LAPTM4A: variants seen among roughly 807,000 people sequenced by gnomAD.
LAPTM4A encodes the protein lysosomal protein transmembrane 4 alpha, also known as lysosomal-associated transmembrane protein 4A.
LAPTM4A carries 19 observed loss-of-function variants against 29.9 expected under a neutral mutation model. That is an observed-to-expected ratio of 0.64 (90% CI 0.44 to 0.93). The LOEUF (loss-of-function observed/expected upper bound fraction) is 0.93. LAPTM4A is among the 40% of genes least tolerant of loss of function. The pLI, the probability that LAPTM4A is intolerant of heterozygous loss-of-function variation, is 0.00. For synonymous variants in LAPTM4A, 105 were observed against 102.1 expected (o/e 1.03, Z -0.17); for missense variants, 293 against 288.5 (o/e 1.02, Z -0.11).
Position 20,046,513 on chromosome 2 carries a change from G to A in LAPTM4A, c.111+4897C>T, listed in dbSNP as rs549259145. Among the ~76,000 whole-genome samples, 19 of 151,300 alleles carry A rather than the reference G, an allele frequency of 1.3e-4. 1 individual carries two copies. In the South Asian group the frequency reaches 3.5e-3, roughly 28 times the overall value. ...CACACACATTTTATTTTGAGACAGG[G>A]TCTCATTCTGTCACCCAGGATGGAG... On this transcript the variant is annotated intron_variant, in intron 1 of 6. Coordinates refer to ENST00000175091, the MANE Select transcript of LAPTM4A (RefSeq NM_014713.5).
chr2:20,044,961 C>T (rs1673880291), intron 1 of LAPTM4A, among the ~76,000 whole-genome samples: 1 of 152,124 alleles, frequency 6.6e-6, no homozygotes, highest in Non-Finnish European at 1.5e-5. Flanking sequence ...CCAGTCTGGT[C>T]TTGAACTCCT....
intron 1 of LAPTM4A, among the ~76,000 whole-genome samples, chr2:20,049,815 T>C (rs546574872): frequency 2.6e-5 from 4 of 152,310 alleles, no homozygotes; most frequent in Admixed American, 2.6e-4. Context: ...AGTCATCTTC[T>C]GGGGGTGAGG....
chr2:20,050,904 G>C lies in LAPTM4A; in HGVS notation c.111+506C>G, dbSNP rs753123373. On this transcript the variant is annotated intron_variant, in intron 1 of 6. Coordinates refer to ENST00000175091, the MANE Select transcript of LAPTM4A (RefSeq NM_014713.5). ...AAACAAAACAAAGTCCAAGAAACGC[G>C]GACAACCGGGTTACCGCTGGATCTT... 9.8e-5 allele frequency among the ~76,000 whole-genome samples: 15 copies of C among 152,300 alleles called. No homozygotes were observed. The Middle Eastern group carries it at 0.017, about 173-fold the overall frequency.
intron 2 of LAPTM4A, among the ~76,000 whole-genome samples, chr2:20,038,100 G>A (rs3754904): frequency 0.58 from 87,786 of 152,034 alleles, 25,925 homozygotes; most frequent in East Asian, 0.81. Flanking sequence ...TAAAAGACAA[G>A]TGTATTAAAC....
rs538117473 is a variant in LAPTM4A, at chr2:20,033,297, A to G, written c.628-18T>C. On this transcript the variant is annotated intron_variant, in intron 6 of 6. Coordinates refer to ENST00000175091, the MANE Select transcript of LAPTM4A (RefSeq NM_014713.5). ...AAAACGTACTAAAGAGAGAAAAAAA[A>G]TTGTATCAGATTTAATTCTCCTTTA... 14 of 1,581,708 alleles carry G rather than the reference A, an allele frequency of 8.9e-6. No homozygotes were observed. The highest frequency in any genetic ancestry group is 5.4e-5 in the African/African-American group (4 of 74,388).
rs757113964 is a variant in LAPTM4A, at chr2:20,051,474, C to T, written c.47G>A (p.Ser16Asn). ...ATGGCAACAGCCGCAGCACCGGGTG[C>T]TGTAGAACCGGTCACTGCGGTTCCG... ...FKRNRSDRFYSTRCCGCCHVR... is the reference protein window; with the variant it reads ...FKRNRSDRFYNTRCCGCCHVR... The change falls in exon 1 of 7, where the codon AGC (serine) becomes AAC (asparagine). Residue 16 changes from serine (S) to asparagine (N), a missense_variant. Coordinates refer to ENST00000175091, the MANE Select transcript of LAPTM4A (RefSeq NM_014713.5). 5.6e-6 allele frequency: 9 copies of T among 1,613,238 alleles called. No individual in the cohort carries two copies. The highest frequency in any genetic ancestry group is 7.6e-6 in the Non-Finnish European group (9 of 1,179,690).
intron 1 of LAPTM4A, among the ~76,000 whole-genome samples, chr2:20,046,002 G>A (rs973455419): frequency 2.0e-5 from 3 of 152,106 alleles, no homozygotes; most frequent in South Asian, 2.1e-4. Flanking sequence ...TCTTTAAAAC[G>A]TTTTTTAGCC....
At chr2:20,040,103 C>T (rs1235535901) in intron 2 of LAPTM4A, among the ~76,000 whole-genome samples, 3 of 152,160 alleles carry the variant, frequency 2.0e-5, no homozygotes, top group Non-Finnish European at 2.9e-5. Context: ...ATGGCCTAAT[C>T]ACCACCCAAG....
rs1161334975 is a variant in LAPTM4A, at chr2:20,037,766, A to G, written c.233-152T>C. ...GCCAAGAGGGTAAAAAAAAAAAAAA[A>G]AAATCAAAGTCTCAGCATGAAGTAA... On this transcript the variant is annotated intron_variant, in intron 2 of 6. Transcript: ENST00000175091. 4 of 528,646 alleles carry G rather than the reference A, an allele frequency of 7.6e-6. No homozygotes were observed. In the African/African-American group the frequency reaches 7.7e-5, roughly 10 times the overall value. The allele number at this position is 528,646 out of a possible 1,614,324, so 32.7% of individuals were successfully genotyped here.
At chr2:20,035,138 A>G in intron 4 of LAPTM4A, 76 bp from the exon 5 acceptor site, 1 of 938,298 alleles carries the variant, frequency 1.1e-6, no homozygotes, top group Non-Finnish European at 1.7e-6. Context: ...GAGCATCTGA[A>G]GAATACAAAG....
At chr2:20,045,880 G>A (rs1673907950) in intron 1 of LAPTM4A, among the ~76,000 whole-genome samples, 1 of 152,150 alleles carries the variant, frequency 6.6e-6, no homozygotes, top group Non-Finnish European at 1.5e-5. Flanking sequence ...CAGTGTGTCT[G>A]GTTTAAGGAG....
intron 1 of LAPTM4A, among the ~76,000 whole-genome samples, chr2:20,043,121 G>C (rs1435406075): frequency 6.7e-6 from 1 of 149,760 alleles, no homozygotes. Flanking sequence ...CACCCAAGCT[G>C]GAGTGCAGTG....
chr2:20,037,270 T>C (rs1419480111), intron 4 of LAPTM4A, 46 bp downstream of exon 4: 2 of 1,465,206 alleles, frequency 1.4e-6, no homozygotes, highest in Admixed American at 2.2e-5. Flanking sequence ...GTAAACATTT[T>C]ACTCAAAATG....
At chr2:20,049,783 C>A (rs1485913069) in intron 1 of LAPTM4A, among the ~76,000 whole-genome samples, 1 of 152,120 alleles carries the variant, frequency 6.6e-6, no homozygotes, top group Non-Finnish European at 1.5e-5. Context: ...TCGATGGATT[C>A]TCTTAGTTAA....
intron 4 of LAPTM4A, among the ~76,000 whole-genome samples, chr2:20,036,232 T>TC (rs3835902): frequency 0.16 from 24,244 of 152,138 alleles, 2,486 homozygotes; most frequent in East Asian, 0.43. Flanking sequence ...TTCCCCACCC[T>TC]CCCTCTGTGT....
intron 1 of LAPTM4A, among the ~76,000 whole-genome samples, chr2:20,047,065 G>A (rs182463784): frequency 3.2e-4 from 49 of 151,934 alleles, no homozygotes; most frequent in African/African-American, 4.8e-4. Context: ...CAGGTGCACC[G>A]TGAGAAAAAC....
chr2:20,039,844 G>A (rs190214217), intron 2 of LAPTM4A, among the ~76,000 whole-genome samples: 350 of 152,140 alleles, frequency 2.3e-3, no homozygotes, highest in Non-Finnish European at 3.8e-3. Context: ...ACCTAAGGTC[G>A]GGAGTTCGAG....
chr2:20,043,650 A>G (rs897326867), intron 1 of LAPTM4A, among the ~76,000 whole-genome samples: 7 of 152,248 alleles, frequency 4.6e-5, no homozygotes, highest in Non-Finnish European at 1.0e-4. Context: ...AAGCAGATCA[A>G]GTTTTATTTT....
intron 4 of LAPTM4A, 23 bp downstream of exon 4, chr2:20,037,293 G>T: frequency 6.4e-7 from 1 of 1,553,062 alleles, no homozygotes; most frequent in Non-Finnish European, 8.7e-7. Flanking sequence ...AAAAAAATAA[G>T]TTTAATGAGC....
Sources: allele counts gnomAD v4.1 joint callset (sites outside exome capture counted in the v4.1 genomes callset), GRCh38; gene constraint gnomAD v4.1.1; transcripts MANE v1.5; gene names NCBI Gene and HGNC (gene_info 2026-07-23, HGNC 2026-07-21).